Variants in LCOR observed in about 807,000 individuals in gnomAD.
LCOR encodes the protein ligand dependent nuclear receptor corepressor.
Under a neutral mutation model 64.4 loss-of-function variants are expected in LCOR, and 14 were observed. The observed-to-expected ratio is 0.22, with a 90% CI of 0.14 to 0.34. The LOEUF is 0.34. Among genes scored for constraint, LCOR ranks in the 10% least tolerant of loss-of-function variants. The probability of loss-of-function intolerance (pLI) is 1.00; values close to 1 mark genes in which losing one functional copy is unlikely to be tolerated. For missense variants in LCOR, 1,686 were observed against 1,765.3 expected (o/e 0.96, Z 0.80); for synonymous variants, 643 against 642.5 (o/e 1.00, Z -0.01).
chr10:96,982,182 T>A lies in LCOR; in HGVS notation c.1722T>A (p.Ser574=). The change falls in exon 8 of 8, where the codon TCT becomes TCA. Residue 574 remains serine, a synonymous_variant. Coordinates refer to ENST00000421806, the MANE Select transcript of LCOR (RefSeq NM_001346516.2). ...NPEEPSKEIT[S]HEEGGGDVSP... is the part of the protein sequence containing the mutation. The stretch of plus-strand genomic sequence containing the variant: ...AAGAACCTAGCAAGGAAATCACCTC[T>A]CACGAGGAAGGAGGTGGAGACGTTT... The A allele has an allele frequency of 6.2e-7, 1 of 1,614,024 alleles. No individual in the cohort carries two copies. The highest frequency in any genetic ancestry group is 8.5e-7 in the Non-Finnish European group (1 of 1,179,970).
At chr10:96,903,290 G>GT (rs1031087225) in intron 2 of LCOR, among the ~76,000 whole-genome samples, 1 of 152,126 alleles carries the variant, frequency 6.6e-6, no homozygotes, top group Non-Finnish European at 1.5e-5. Flanking sequence ...AGTAATTGCA[G>GT]TCCAACATTA....
chr10:96,832,972 G>A (rs1229824199), intron 1 of LCOR: 5 of 984,230 alleles, frequency 5.1e-6, no homozygotes, highest in African/African-American at 1.8e-5. Flanking sequence ...GCGTGAGGTG[G>A]AGATGGGGGC....
Position 96,983,430 on chromosome 10 carries a change from T to G in LCOR, c.2970T>G (p.Ala990=). The change falls in exon 8 of 8, where the codon GCT becomes GCG. Residue 990 remains alanine, a synonymous_variant. Transcript: ENST00000421806. The surrounding 1 kb of genome is among the most constrained non-coding windows in gnomAD (Gnocchi z 4.5). ...GHIPTQHVEE[A]VNEVDNENTQ... ...TTCCCACACAGCATGTGGAGGAGGC[T>G]GTGAATGAGGTAGACAACGAAAACA... 1 of 1,614,162 alleles carries G rather than the reference T, an allele frequency of 6.2e-7. No homozygotes were observed. Among genetic ancestry groups the G allele is most frequent in the African/African-American group, 1.3e-5 (1 of 75,030 alleles).
At chr10:96,875,407 A>G (rs1017533438) in intron 2 of LCOR, among the ~76,000 whole-genome samples, 4 of 151,996 alleles carry the variant, frequency 2.6e-5, no homozygotes, top group African/African-American at 9.7e-5. Flanking sequence ...TACCTAGTAT[A>G]AAACAGAACA....
chr10:96,875,216 C>G (rs1374804577), intron 2 of LCOR, among the ~76,000 whole-genome samples: 1 of 151,792 alleles, frequency 6.6e-6, no homozygotes, highest in Non-Finnish European at 1.5e-5. Context: ...AACCCCGTCT[C>G]TACTAAAAAT....
intron 4 of LCOR, among the ~76,000 whole-genome samples, chr10:96,920,633 T>TA (rs1235993347): frequency 2.7e-5 from 4 of 146,982 alleles, no homozygotes; most frequent in African/African-American, 1.0e-4. Context: ...TGTATGTACA[T>TA]TCATATATGT....
chr10:96,991,370 T>C lies in LCOR; in HGVS notation c.*6236T>C, dbSNP rs1848199418. 1 of 152,220 alleles carries C rather than the reference T, an allele frequency of 6.6e-6. No individual in the cohort carries two copies. Among genetic ancestry groups the C allele is most frequent in the Non-Finnish European group, 1.5e-5 (1 of 68,042 alleles). 9.4% of individuals were successfully genotyped at this position (152,220 alleles called of 1,614,324 possible). A position where few individuals can be genotyped will look rare whatever the true frequency, so the allele number is the denominator to read the frequency against. On this transcript the variant is annotated 3_prime_UTR_variant, in exon 8 of 8. Transcript: ENST00000421806. ...ATGTGATCATATCTATTAGGGTATG[T>C]AGTGAAAACTAAAAGTGCAGTCTTT...
chr10:96,876,783 G>A (rs988913441), intron 2 of LCOR, among the ~76,000 whole-genome samples: 1 of 152,006 alleles, frequency 6.6e-6, no homozygotes, highest in Non-Finnish European at 1.5e-5. Flanking sequence ...TCCGCCTCCC[G>A]GGTTCAGTGA....
intron 4 of LCOR, among the ~76,000 whole-genome samples, chr10:96,912,611 C>CCTTCCTTCCTT (rs1382585102): frequency 2.3e-5 from 3 of 133,004 alleles, no homozygotes; most frequent in Non-Finnish European, 3.2e-5. Flanking sequence ...TTCCTTTCTT[C>CCTTCCTTCCTT]CTTCCTTCCT....
intron 2 of LCOR, among the ~76,000 whole-genome samples, chr10:96,840,421 G>C (rs1845520040): frequency 6.6e-6 from 1 of 152,284 alleles, no homozygotes; most frequent in East Asian, 1.9e-4. Flanking sequence ...TTATAATTGA[G>C]GGTAATAGAA....
chr10:96,993,197 C>T lies in LCOR; in HGVS notation c.*8063C>T, dbSNP rs529173168. 1 of 152,312 alleles carries T rather than the reference C, an allele frequency of 6.6e-6. No homozygotes were observed. The highest frequency in any genetic ancestry group is 1.5e-5 in the Non-Finnish European group (1 of 68,028). The allele number at this position is 152,312 out of a possible 1,614,324, so 9.4% of individuals were successfully genotyped here. A position where few individuals can be genotyped will look rare whatever the true frequency, so the allele number is the denominator to read the frequency against. ...GCTGGCTGGACTGAGAATTGCAACTCCAGGACAGCAGGGAGCTTTGGGACT... is the reference window on the plus strand; with the variant it reads ...GCTGGCTGGACTGAGAATTGCAACTTCAGGACAGCAGGGAGCTTTGGGACT... On this transcript the variant is annotated 3_prime_UTR_variant, in exon 8 of 8. Transcript: ENST00000421806.
chr10:96,885,553 A>ATTTTTTTTT (rs144687202), intron 2 of LCOR, among the ~76,000 whole-genome samples: 1 of 117,782 alleles, frequency 8.5e-6, no homozygotes, highest in African/African-American at 3.4e-5. Context: ...GGCTAATTGA[A>ATTTTTTTTT]TTTTTTTTTT....
At chr10:96,952,065 C>G in intron 6 of LCOR, 38 bp from the exon 7 acceptor site, 2 of 1,478,800 alleles carry the variant, frequency 1.4e-6, no homozygotes, top group Non-Finnish European at 9.4e-7. Flanking sequence ...TTGCTCCTAG[C>G]TTTTAATATC....
At chr10:96,852,179 G>T (rs1242304870) in intron 2 of LCOR, among the ~76,000 whole-genome samples, 1 of 152,208 alleles carries the variant, frequency 6.6e-6, no homozygotes, top group African/African-American at 2.4e-5. Flanking sequence ...CACTTTGGGA[G>T]GCTCAGGTGG....
intron 4 of LCOR, among the ~76,000 whole-genome samples, chr10:96,930,271 GTCTT>G (rs1391974129): frequency 6.6e-6 from 1 of 152,116 alleles, no homozygotes; most frequent in African/African-American, 2.4e-5. Flanking sequence ...GTACCACAGT[GTCTT>G]TATTATATCT....
intron 2 of LCOR, among the ~76,000 whole-genome samples, chr10:96,851,477 G>A (rs1055364970): frequency 6.6e-6 from 1 of 152,242 alleles, no homozygotes; most frequent in Admixed American, 6.5e-5. Context: ...TGACGATGAA[G>A]ATGGTGATGT....
At chr10:96,971,629 C>A (rs745593882) in intron 7 of LCOR, among the ~76,000 whole-genome samples, 7 of 152,124 alleles carry the variant, frequency 4.6e-5, no homozygotes, top group Non-Finnish European at 1.0e-4. Context: ...CAGTGGGGAG[C>A]TTATAGGGGT....
chr10:96,864,197 A>G (rs534524737), intron 2 of LCOR, among the ~76,000 whole-genome samples: 2 of 152,334 alleles, frequency 1.3e-5, no homozygotes, highest in African/African-American at 4.8e-5. Context: ...GAAGGGACCA[A>G]TAGGTAGAAG....
chr10:96,917,664 C>T (rs553045751), intron 4 of LCOR, among the ~76,000 whole-genome samples: 6 of 151,944 alleles, frequency 3.9e-5, no homozygotes, highest in Non-Finnish European at 7.4e-5. Context: ...GGATTTACAG[C>T]GAGAAAATTA....
Sources: allele counts gnomAD v4.1 joint callset (sites outside exome capture counted in the v4.1 genomes callset), GRCh38; gene constraint gnomAD v4.1.1; non-coding constraint Gnocchi (gnomAD v3.1); transcripts MANE v1.5; gene names NCBI Gene and HGNC (gene_info 2026-07-23, HGNC 2026-07-21).